FOXP2: variants seen among roughly 807,000 people sequenced by gnomAD.
The protein encoded by FOXP2 is forkhead box P2, also known as forkhead box protein P2.
FOXP2 carries 12 observed loss-of-function variants against 115.8 expected under a neutral mutation model. That is an observed-to-expected ratio of 0.10 (90% CI 0.07 to 0.17). The LOEUF (loss-of-function observed/expected upper bound fraction) is 0.17. FOXP2 is among the 10% of genes least tolerant of loss of function. The probability of loss-of-function intolerance (pLI) is 1.00; values close to 1 mark genes in which losing one functional copy is unlikely to be tolerated. For synonymous variants in FOXP2, 328 were observed against 297.7 expected (o/e 1.10, Z -1.05); for missense variants, 629 against 843.5 (o/e 0.75, Z 3.15).
intron 2 of FOXP2, among the ~76,000 whole-genome samples, chr7:114,442,104 A>G (rs985439606): frequency 6.6e-6 from 1 of 152,228 alleles, no homozygotes; most frequent in Non-Finnish European, 1.5e-5. Context: ...CCACAAATGT[A>G]CATTAATTGG....
At position 114,400,584 on chromosome 7, in the gene FOXP2, CAG is replaced by C. The variant is rs368112092; in HGVS notation, c.-10-25917_-10-25916del. Among the ~76,000 whole-genome samples, 144 of 152,258 alleles carry C rather than the reference CAG, an allele frequency of 9.5e-4. 1 individual carries two copies. Among genetic ancestry groups the C allele is most frequent in the African/African-American group, 3.4e-3 (141 of 41,546 alleles). On this transcript the variant is annotated intron_variant, in intron 2 of 17. Coordinates refer to the FOXP2 transcript ENST00000634411. ...CACCAGATAATAGTTTCATGGAAGA[CAG>C]TGTTTCCACAGACAGGAGTCGGGTG... is the stretch of plus-strand genomic sequence containing the variant.
rs573864419 is a variant in FOXP2 at position 114,651,979 on chromosome 7, A to T, written c.1095-224A>T. Among the ~76,000 whole-genome samples, 111 of 152,292 alleles carry T rather than the reference A, an allele frequency of 7.3e-4. 1 individual carries two copies. The highest frequency in any genetic ancestry group is 3.0e-3 in the Admixed American group (46 of 15,270). On this transcript the variant is annotated intron_variant, in intron 8 of 16. Transcript: ENST00000350908. ...ATTTTTTGTAATAACAGGTAAGCTT[A>T]GAGACAGTGACATTTTCTGCCATTT...
chr7:114,300,379 T>C (rs1796851089), intron 2 of FOXP2, among the ~76,000 whole-genome samples: 1 of 152,100 alleles, frequency 6.6e-6, no homozygotes, highest in Non-Finnish European at 1.5e-5. Flanking sequence ...ATTTATTTAT[T>C]GGAAAATTAT....
At chr7:114,246,629 A>C (rs1228167132) in intron 1 of FOXP2, among the ~76,000 whole-genome samples, 1 of 152,096 alleles carries the variant, frequency 6.6e-6, no homozygotes, top group African/African-American at 2.4e-5. Flanking sequence ...TTTTTCAATA[A>C]ATTTTTTTGA....
intron 2 of FOXP2, among the ~76,000 whole-genome samples, chr7:114,467,804 G>A (rs947980133): frequency 2.0e-5 from 3 of 152,176 alleles, no homozygotes; most frequent in African/African-American, 4.8e-5. Context: ...TAACAGTAAG[G>A]TAGTAGAAAG....
At chr7:114,471,792 A>C (rs1218790442) in intron 2 of FOXP2, among the ~76,000 whole-genome samples, 5 of 150,812 alleles carry the variant, frequency 3.3e-5, no homozygotes, top group African/African-American at 4.9e-5. Flanking sequence ...TCCACTAAAA[A>C]TACAAAAAAA....
intron 2 of FOXP2, among the ~76,000 whole-genome samples, chr7:114,428,350 G>A (rs551352277): frequency 1.1e-4 from 16 of 151,570 alleles, no homozygotes; most frequent in African/African-American, 3.6e-4. Context: ...TACTCTGGAG[G>A]CATTTTGATT....
intron 2 of FOXP2, among the ~76,000 whole-genome samples, chr7:114,505,517 T>G (rs957843680): frequency 2.0e-5 from 3 of 151,368 alleles, no homozygotes; most frequent in African/African-American, 7.3e-5. Flanking sequence ...ATAAATTATT[T>G]CAGTAGTATT....
intron 1 of FOXP2, among the ~76,000 whole-genome samples, chr7:114,258,778 T>C (rs1490156176): frequency 1.3e-5 from 2 of 152,148 alleles, no homozygotes; most frequent in Non-Finnish European, 2.9e-5. Flanking sequence ...AAACATTAAG[T>C]AGTAGACAAG....
At chr7:114,195,052 A>C (rs1793868663) in intron 1 of FOXP2, among the ~76,000 whole-genome samples, 1 of 152,168 alleles carries the variant, frequency 6.6e-6, no homozygotes, top group Admixed American at 6.6e-5. Context: ...AAACTCAGTT[A>C]AACTGGGCTG....
chr7:114,360,405 T>A (rs890253444), intron 2 of FOXP2, among the ~76,000 whole-genome samples: 1 of 152,150 alleles, frequency 6.6e-6, no homozygotes, highest in Non-Finnish European at 1.5e-5. Flanking sequence ...CCCTTTTAGA[T>A]AAAAAACAAC....
chr7:114,617,519 C>T (rs1163145532), intron 3 of FOXP2, among the ~76,000 whole-genome samples: 2 of 152,134 alleles, frequency 1.3e-5, no homozygotes, highest in Admixed American at 6.5e-5. Context: ...CTTGGCTGGG[C>T]GAGGCGGCTC....
chr7:114,133,982 A>C (rs977975668), intron 1 of FOXP2, among the ~76,000 whole-genome samples: 3 of 152,154 alleles, frequency 2.0e-5, no homozygotes, highest in African/African-American at 7.2e-5. Flanking sequence ...TAATAGCAAC[A>C]CAAAACAGAC....
Position 114,486,178 on chromosome 7 carries a change from A to G in FOXP2, c.169-48439A>G, listed in dbSNP as rs116976497. 4.1e-3 allele frequency among the ~76,000 whole-genome samples: 620 copies of G among 152,296 alleles called. 5 individuals carry two copies. Among genetic ancestry groups the G allele is most frequent in the Middle Eastern group, 0.031 (9 of 294 alleles). ...TAATTTATAAAGTAAAGGAGGTTTA[A>G]TGGACTCACAGTTCCACATGGCTGG... On this transcript the variant is annotated intron_variant, in intron 2 of 16. Coordinates refer to ENST00000350908, the MANE Select transcript of FOXP2 (RefSeq NM_014491.4).
chr7:114,447,606 C>A (rs1305602878), intron 2 of FOXP2, among the ~76,000 whole-genome samples: 1 of 152,086 alleles, frequency 6.6e-6, no homozygotes, highest in Non-Finnish European at 1.5e-5. Flanking sequence ...ACAAGTACCC[C>A]ACGCTAACAT....
chr7:114,560,046 G>C (rs775094838), intron 3 of FOXP2, among the ~76,000 whole-genome samples: 2 of 151,984 alleles, frequency 1.3e-5, no homozygotes, highest in Non-Finnish European at 1.5e-5. Flanking sequence ...AACTTTCTTT[G>C]TTAAGCTAGC....
chr7:114,123,308 C>T (rs1219665963), intron 1 of FOXP2, among the ~76,000 whole-genome samples: 1 of 146,116 alleles, frequency 6.8e-6, no homozygotes, highest in Non-Finnish European at 1.5e-5. Context: ...GAGCTATAAT[C>T]TTGTCAACAC....
intron 2 of FOXP2, chr7:114,499,015 G>T: frequency 1.4e-6 from 1 of 710,058 alleles, no homozygotes; most frequent in South Asian, 1.5e-5. Flanking sequence ...GAACTTGTTA[G>T]AAATGCACAT....
intron 16 of FOXP2, among the ~76,000 whole-genome samples, chr7:114,677,177 A>C (rs941961413): frequency 7.9e-5 from 11 of 139,884 alleles, no homozygotes; most frequent in Non-Finnish European, 1.7e-4. Context: ...AAAAACAAAA[A>C]AAAAAAAAAC....
Sources: allele counts gnomAD v4.1 joint callset (sites outside exome capture counted in the v4.1 genomes callset), GRCh38; gene constraint gnomAD v4.1.1; transcripts MANE v1.5; gene names NCBI Gene and HGNC (gene_info 2026-07-23, HGNC 2026-07-21).